PLXDC2: variants seen among roughly 807,000 people sequenced by gnomAD.
The protein encoded by PLXDC2 is plexin domain containing 2.
Under a neutral mutation model 68.9 loss-of-function variants are expected in PLXDC2, and 40 were observed. That is an observed-to-expected ratio of 0.58 (90% CI 0.45 to 0.76). PLXDC2 has a LOEUF of 0.76. Among genes scored for constraint, PLXDC2 ranks in the 30% least tolerant of loss-of-function variants. The pLI, the probability that PLXDC2 is intolerant of heterozygous loss-of-function variation, is 0.00. For synonymous variants in PLXDC2, 243 were observed against 234.2 expected, an observed-to-expected ratio of 1.04 and a Z score of -0.34; for missense variants, 644 against 661.9, an observed-to-expected ratio of 0.97 and a Z score of 0.30.
At chr10:19,891,573 T>G (rs944287139) in intron 1 of PLXDC2, among the ~76,000 whole-genome samples, 6 of 152,178 alleles carry the variant, frequency 3.9e-5, no homozygotes, top group Non-Finnish European at 1.5e-5. Flanking sequence ...AAGAAAGCCA[T>G]GGGTCTCCAC....
At chr10:19,942,897 C>T (rs1205439305) in intron 1 of PLXDC2, among the ~76,000 whole-genome samples, 2 of 152,134 alleles carry the variant, frequency 1.3e-5, no homozygotes, top group African/African-American at 4.8e-5. Context: ...ACGAAATGTT[C>T]ATTTAAATAT....
intron 13 of PLXDC2, among the ~76,000 whole-genome samples, chr10:20,263,551 G>A (rs991035858): frequency 1.1e-4 from 17 of 152,050 alleles, no homozygotes; most frequent in East Asian, 3.9e-4. Flanking sequence ...AAAAGGAACT[G>A]TCAACAAAGT....
At chr10:20,167,348 T>G (rs1279041435) in intron 7 of PLXDC2, among the ~76,000 whole-genome samples, 1 of 152,156 alleles carries the variant, frequency 6.6e-6, no homozygotes, top group South Asian at 2.1e-4. Flanking sequence ...ATGCCAGAGA[T>G]TAGGATAACC....
chr10:20,089,147 A>G (rs1204655698), intron 4 of PLXDC2, among the ~76,000 whole-genome samples: 1 of 148,556 alleles, frequency 6.7e-6, no homozygotes, highest in African/African-American at 2.5e-5. Flanking sequence ...CTGCTGTTAA[A>G]TTAAAAAAAA....
intron 12 of PLXDC2, among the ~76,000 whole-genome samples, chr10:20,231,281 A>G (rs1468480083): frequency 2.0e-5 from 3 of 149,994 alleles, no homozygotes; most frequent in African/African-American, 4.9e-5. Context: ...ATACAAATAT[A>G]TATAAATGTT....
At chr10:20,238,696 C>CATATATGTGTATATATAT (rs1193953351) in intron 12 of PLXDC2, among the ~76,000 whole-genome samples, 18 of 113,266 alleles carry the variant, frequency 1.6e-4, no homozygotes, top group African/African-American at 2.8e-4. Flanking sequence ...TATATATACA[C>CATATATGTGTATATATAT]ACATATATAT....
At chr10:20,105,048 CAAAAAAAAAAAA>C (rs11289832) in intron 4 of PLXDC2, among the ~76,000 whole-genome samples, 3 of 97,298 alleles carry the variant, frequency 3.1e-5, no homozygotes, top group African/African-American at 8.6e-5. Flanking sequence ...AGACTCCATC[CAAAAAAAAAAAA>C]AAAAAAAAAA....
intron 1 of PLXDC2, among the ~76,000 whole-genome samples, chr10:19,876,202 T>C (rs996308985): frequency 6.6e-6 from 1 of 152,114 alleles, no homozygotes. Flanking sequence ...GATTGCAGAG[T>C]AAGAGATCGT....
chr10:20,211,625 C>A (rs376641010), intron 9 of PLXDC2, 44 bp from the exon 10 acceptor site: 9 of 1,591,490 alleles, frequency 5.7e-6, no homozygotes, highest in East Asian at 2.2e-5. Context: ...CCACCCTGCA[C>A]CCTATCCTTC....
intron 4 of PLXDC2, among the ~76,000 whole-genome samples, chr10:20,086,888 A>C (rs1564310620): frequency 6.6e-6 from 1 of 152,198 alleles, no homozygotes; most frequent in Non-Finnish European, 1.5e-5. Context: ...GCTTGTATTA[A>C]AAGCAATGTC....
intron 4 of PLXDC2, among the ~76,000 whole-genome samples, chr10:20,099,445 C>T (rs1475471906): frequency 6.6e-6 from 1 of 152,170 alleles, no homozygotes; most frequent in South Asian, 2.1e-4. Context: ...AAATCTTCCA[C>T]CTACCATTTA....
At chr10:20,022,920 T>A (rs1835336549) in intron 2 of PLXDC2, among the ~76,000 whole-genome samples, 2 of 151,902 alleles carry the variant, frequency 1.3e-5, no homozygotes, top group African/African-American at 4.8e-5. Context: ...CTCTGCAATT[T>A]AATGACCAAT....
intron 1 of PLXDC2, among the ~76,000 whole-genome samples, chr10:19,822,679 GT>G (rs1334010434): frequency 6.6e-6 from 1 of 152,096 alleles, no homozygotes; most frequent in Non-Finnish European, 1.5e-5. Flanking sequence ...ATATTAGTAG[GT>G]GTGAGATGAT....
chr10:20,077,331 A>G lies in PLXDC2; in HGVS notation c.541+9092A>G, dbSNP rs1228519920. Among the ~76,000 whole-genome samples, 4 of 150,988 alleles carry G rather than the reference A, an allele frequency of 2.6e-5. No homozygotes were observed. The South Asian group carries it at 6.7e-4, about 25-fold the overall frequency. On this transcript the variant is annotated intron_variant, in intron 4 of 13. Coordinates refer to ENST00000377252, the MANE Select transcript of PLXDC2 (RefSeq NM_032812.9). ...TATTTCATTACTACCTTTATTTTCA[A>G]GATATTTTTCTATTTTTTAATACAT... is the stretch of plus-strand genomic sequence containing the variant.
At chr10:20,150,160 G>A (rs1337927842) in intron 6 of PLXDC2, among the ~76,000 whole-genome samples, 1 of 152,216 alleles carries the variant, frequency 6.6e-6, no homozygotes, top group East Asian at 1.9e-4. Flanking sequence ...CTTTCTAAGG[G>A]TTTTAAGGAT....
chr10:20,116,367 T>C (rs887362245), intron 4 of PLXDC2, among the ~76,000 whole-genome samples: 2 of 152,248 alleles, frequency 1.3e-5, no homozygotes, highest in African/African-American at 2.4e-5. Flanking sequence ...ATTACTTATC[T>C]GTTCTCGGGT....
At chr10:19,912,378 G>A (rs954732169) in intron 1 of PLXDC2, among the ~76,000 whole-genome samples, 4 of 152,170 alleles carry the variant, frequency 2.6e-5, no homozygotes, top group Non-Finnish European at 4.4e-5. Context: ...CTGGTAAACT[G>A]TTTAACAAAA....
rs1836355010 is a variant in PLXDC2, at chr10:19,816,988, G to A, written c.-92G>A. On this transcript the variant is annotated 5_prime_UTR_variant, in exon 1 of 14. Transcript: ENST00000377252. ...CTCCGGGTCCTACCGAGACCGATCC[G>A]CAGCGTTTGGCCCGGTCGTGCCTAT... 8.8e-6 allele frequency: 8 copies of A among 904,278 alleles called. No homozygotes were observed. The highest frequency in any genetic ancestry group is 2.2e-5 in the Admixed American group (1 of 45,466). 56.0% of individuals were successfully genotyped at this position (904,278 alleles called of 1,614,324 possible).
intron 9 of PLXDC2, among the ~76,000 whole-genome samples, chr10:20,180,646 A>G (rs1834591241): frequency 6.6e-6 from 1 of 152,058 alleles, no homozygotes; most frequent in African/African-American, 2.4e-5. Context: ...TGAACTCTCA[A>G]GTAGGGCTTG....
Sources: gnomAD v4.1 joint callset for allele counts (sites outside exome capture counted in the v4.1 genomes callset) on GRCh38, gnomAD v4.1.1 for gene constraint, MANE v1.5 for transcripts, NCBI Gene and HGNC (gene_info 2026-07-23, HGNC 2026-07-21) for gene names.